Variants in RBM33 observed in about 807,000 individuals in gnomAD.
RBM33 encodes RNA-binding protein 33.
RBM33 carries 28 observed loss-of-function variants against 132.6 expected under a neutral mutation model. The observed-to-expected ratio is 0.21, with a 90% CI of 0.16 to 0.29. The LOEUF (loss-of-function observed/expected upper bound fraction) is 0.29. Ranked by LOEUF, RBM33 falls within the 10% of genes least tolerant of loss-of-function variation. The probability of loss-of-function intolerance (pLI) is 1.00; values close to 1 mark genes in which losing one functional copy is unlikely to be tolerated. For synonymous variants in RBM33, 634 were observed against 593.0 expected, an observed-to-expected ratio of 1.07 and a Z score of -1.01; for missense variants, 1,291 against 1,518.5, an observed-to-expected ratio of 0.85 and a Z score of 2.49.
At chr7:155,729,589 T>C (rs1386363367) in intron 9 of RBM33, among the ~76,000 whole-genome samples, 2 of 151,878 alleles carry the variant, frequency 1.3e-5, no homozygotes, top group Non-Finnish European at 2.9e-5. Context: ...ATTTAAAAAT[T>C]AGCCAGATAT....
intron 9 of RBM33, 69 bp downstream of exon 9, chr7:155,718,512 C>T: frequency 1.6e-6 from 2 of 1,286,858 alleles, no homozygotes; most frequent in South Asian, 2.4e-5. Context: ...ATTAATATAG[C>T]AAGTGCAAGA....
At chr7:155,710,965 G>C (rs894200161) in intron 7 of RBM33, among the ~76,000 whole-genome samples, 1 of 148,432 alleles carries the variant, frequency 6.7e-6, no homozygotes, top group African/African-American at 2.5e-5. Context: ...TTTCCCTCTT[G>C]CGTGGGGATT....
intron 7 of RBM33, among the ~76,000 whole-genome samples, chr7:155,709,956 C>G (rs1169112996): frequency 6.6e-6 from 1 of 152,222 alleles, no homozygotes; most frequent in Non-Finnish European, 1.5e-5. Context: ...CTTTGTCAGA[C>G]TATGGCTTTT....
intron 1 of RBM33, among the ~76,000 whole-genome samples, chr7:155,652,408 CA>C (rs1798380182): frequency 6.6e-6 from 1 of 152,178 alleles, no homozygotes; most frequent in Admixed American, 6.5e-5. Context: ...TGGGCAGAAA[CA>C]GGTGGCAGGC....
chr7:155,650,232 C>T (rs1045563743), intron 1 of RBM33, among the ~76,000 whole-genome samples: 4 of 152,234 alleles, frequency 2.6e-5, no homozygotes, highest in Non-Finnish European at 5.9e-5. Context: ...TTCCTCAGCT[C>T]AGGTCACAAT....
At chr7:155,753,528 G>A (rs1324108716) in intron 14 of RBM33, among the ~76,000 whole-genome samples, 2 of 152,194 alleles carry the variant, frequency 1.3e-5, no homozygotes, top group African/African-American at 2.4e-5. Flanking sequence ...CTCTGGCAGC[G>A]CCTGGGAGTG....
In RBM33 at chr7:155,781,093, C is replaced by A. The variant is rs868549298; in HGVS notation, c.*6052C>A. 1 of 152,756 alleles carries A rather than the reference C, an allele frequency of 6.5e-6. No individual in the cohort carries two copies. Among genetic ancestry groups the A allele is most frequent in the Non-Finnish European group, 1.5e-5 (1 of 68,106 alleles). The allele number at this position is 152,756 out of a possible 1,614,324, so 9.5% of individuals were successfully genotyped here. On this transcript the variant is annotated 3_prime_UTR_variant, in exon 18 of 18. Coordinates refer to ENST00000401878, the MANE Select transcript of RBM33 (RefSeq NM_053043.3). ...TGTGTTACTGCTTTGCCGACGGGGC[C>A]TCCCGGCCCTGATGCGTGTACACTC... is the stretch of plus-strand genomic sequence containing the variant.
At chr7:155,773,046 G>T (rs918558683) in intron 16 of RBM33, among the ~76,000 whole-genome samples, 1 of 152,196 alleles carries the variant, frequency 6.6e-6, no homozygotes, top group African/African-American at 2.4e-5. Flanking sequence ...TGCTTCCATT[G>T]TAGCTCTTTG....
chr7:155,674,957 C>T (rs1424997026), intron 3 of RBM33, among the ~76,000 whole-genome samples: 2 of 152,142 alleles, frequency 1.3e-5, no homozygotes, highest in Admixed American at 6.5e-5. Flanking sequence ...TGTAAACAGT[C>T]GTGACTAACA....
chr7:155,696,612 A>G (rs1799801122), intron 5 of RBM33, among the ~76,000 whole-genome samples: 1 of 152,186 alleles, frequency 6.6e-6, no homozygotes, highest in South Asian at 2.1e-4. Flanking sequence ...AGAAATGGGT[A>G]TTGAATTTTG....
rs906745489 is a variant in RBM33 at position 155,780,757 on chromosome 7, T to C, written c.*5716T>C. 2 of 152,050 alleles carry C rather than the reference T, an allele frequency of 1.3e-5. No individual in the cohort carries two copies. Among genetic ancestry groups the C allele is most frequent in the Non-Finnish European group, 1.5e-5 (1 of 68,014 alleles). The allele number at this position is 152,050 out of a possible 1,614,324, so 9.4% of individuals were successfully genotyped here. On this transcript the variant is annotated 3_prime_UTR_variant, in exon 18 of 18. Transcript: ENST00000401878. Reference sequence around the variant, plus strand: ...CCACGTGGGCTGGGTGGGAAGGTGCTGACGATTTTCACACTGTGTTTACCA... The same window carrying C: ...CCACGTGGGCTGGGTGGGAAGGTGCCGACGATTTTCACACTGTGTTTACCA...
At chr7:155,716,368 C>G (rs1377242207) in intron 8 of RBM33, among the ~76,000 whole-genome samples, 2 of 135,456 alleles carry the variant, frequency 1.5e-5, no homozygotes, top group African/African-American at 5.8e-5. Context: ...TGCAAATTAC[C>G]AGCTCATCAG....
intron 1 of RBM33, among the ~76,000 whole-genome samples, chr7:155,660,097 G>A (rs1040813930): frequency 6.6e-6 from 1 of 152,170 alleles, no homozygotes; most frequent in Non-Finnish European, 1.5e-5. Context: ...AGAGACAGGG[G>A]CTTGCTCTTT....
rs1013872683 is a variant in RBM33 at position 155,699,765 on chromosome 7, A to C, written c.568-1008A>C. Among the ~76,000 whole-genome samples the C allele has an allele frequency of 2.0e-5, 3 of 152,238 alleles. No homozygotes were observed. In the East Asian group the frequency reaches 5.8e-4, roughly 29 times the overall value. ...TTACACAGAAAATACTGAAAAAGGC[A>C]AGAATATAAAATGATTGTGTCATTG... On this transcript the variant is annotated intron_variant, in intron 5 of 17. Transcript: ENST00000401878.
chr7:155,707,065 C>T lies in RBM33; in HGVS notation c.945C>T (p.Val315=), dbSNP rs181072906. Residue 315 remains valine (V), a synonymous_variant, in exon 7 of 18, where the codon GTC becomes GTT. Coordinates refer to ENST00000401878, the MANE Select transcript of RBM33 (RefSeq NM_053043.3). ...RPALLPTQPP[V]VPQAPPPPPP... ...CGCTGCTTCCTACACAGCCTCCTGT[C>T]GTGGTAACTTCAGATTTTCTTGTAG... is the stretch of plus-strand genomic sequence containing the variant. 6.4e-5 allele frequency: 99 copies of T among 1,539,254 alleles called. 1 individual carries two copies. The South Asian group carries it at 7.9e-4, about 12-fold the overall frequency.
At chr7:155,663,965 A>C (rs1239529189) in intron 1 of RBM33, among the ~76,000 whole-genome samples, 1 of 152,160 alleles carries the variant, frequency 6.6e-6, no homozygotes, top group Admixed American at 6.5e-5. Flanking sequence ...TACGTTGTCA[A>C]ATTTAGTGTT....
chr7:155,690,232 C>T (rs1273976294), intron 5 of RBM33, among the ~76,000 whole-genome samples: 1 of 152,180 alleles, frequency 6.6e-6, no homozygotes, highest in Non-Finnish European at 1.5e-5. Context: ...TAATGCCCTT[C>T]TTTGTCTCTT....
At chr7:155,753,173 C>A (rs1410887083) in intron 14 of RBM33, among the ~76,000 whole-genome samples, 1 of 152,078 alleles carries the variant, frequency 6.6e-6, no homozygotes, top group Non-Finnish European at 1.5e-5. Flanking sequence ...TTAGATGATA[C>A]CAGTAAGTAA....
chr7:155,673,614 G>T (rs1251511423), intron 3 of RBM33, among the ~76,000 whole-genome samples: 1 of 53,760 alleles, frequency 1.9e-5, no homozygotes, highest in Admixed American at 1.6e-4. Context: ...ACATACACAC[G>T]TGTATATATA....
Sources: gnomAD v4.1 joint callset for allele counts (sites outside exome capture counted in the v4.1 genomes callset) on GRCh38, gnomAD v4.1.1 for gene constraint, MANE v1.5 for transcripts, NCBI Gene and HGNC (gene_info 2026-07-23, HGNC 2026-07-21) for gene names.